The following ALMS1 variants were observed in gnomAD, a reference collection of about 807,000 sequenced individuals.
ALMS1 encodes centrosome-associated protein ALMS1.
A neutral mutation model predicts 352.2 loss-of-function variants in ALMS1; 271 were observed. The observed-to-expected ratio is 0.77, with a 90% CI of 0.70 to 0.85. ALMS1 has a LOEUF of 0.85. Among genes scored for constraint, ALMS1 ranks in the 40% least tolerant of loss-of-function variants. ALMS1 has a pLI of 0.00. For synonymous variants in ALMS1, 1,865 were observed against 1,761.2 expected (o/e 1.06, Z -1.48); for missense variants, 5,445 against 4,870.7 (o/e 1.12, Z -3.51).
chr2:73,608,655 A>G, intron 22 of ALMS1, 81 bp downstream of exon 22: 1 of 1,135,844 alleles, frequency 8.8e-7, no homozygotes, highest in Non-Finnish European at 1.3e-6. Context: ...TTGCCTGTTG[A>G]GTGTGAAGTC....
At chr2:73,393,485 G>A (rs1487489156) in intron 1 of ALMS1, among the ~76,000 whole-genome samples, 1 of 151,922 alleles carries the variant, frequency 6.6e-6, no homozygotes, top group Admixed American at 6.6e-5. Context: ...TAAAGTCAGG[G>A]CTTTTAGTGT....
chr2:73,478,114 C>T (rs1261318637), intron 9 of ALMS1, among the ~76,000 whole-genome samples: 1 of 152,092 alleles, frequency 6.6e-6, no homozygotes, highest in Non-Finnish European at 1.5e-5. Context: ...CATAGGTACT[C>T]TTCATCTGGT....
At chr2:73,580,940 C>T (rs560464790) in intron 16 of ALMS1, among the ~76,000 whole-genome samples, 18 of 152,320 alleles carry the variant, frequency 1.2e-4, no homozygotes, top group African/African-American at 3.8e-4. Flanking sequence ...TTTCTGCATT[C>T]GGACACTCCT....
chr2:73,405,912 G>A (rs1239064444), intron 1 of ALMS1, among the ~76,000 whole-genome samples: 1 of 152,124 alleles, frequency 6.6e-6, no homozygotes, highest in Non-Finnish European at 1.5e-5. Context: ...GTTGTGATCA[G>A]AAAAGATACC....
At chr2:73,442,932 A>C (rs534882132) in intron 7 of ALMS1, among the ~76,000 whole-genome samples, 46 of 152,000 alleles carry the variant, frequency 3.0e-4, no homozygotes, top group African/African-American at 1.1e-3. Flanking sequence ...CTTTAAACCT[A>C]CTCTTCCTTC....
intron 10 of ALMS1, among the ~76,000 whole-genome samples, chr2:73,504,503 G>A (rs1018106819): frequency 6.6e-6 from 1 of 152,114 alleles, no homozygotes; most frequent in African/African-American, 2.4e-5. Flanking sequence ...TATATAGATG[G>A]AATCCAACAT....
chr2:73,495,817 T>A (rs1673094453), intron 10 of ALMS1, among the ~76,000 whole-genome samples: 1 of 152,216 alleles, frequency 6.6e-6, no homozygotes, highest in Non-Finnish European at 1.5e-5. Context: ...TATTTGTAAC[T>A]TCTGTCTCTA....
chr2:73,540,372 C>T (rs937372771), intron 12 of ALMS1, among the ~76,000 whole-genome samples: 7 of 152,036 alleles, frequency 4.6e-5, no homozygotes, highest in Non-Finnish European at 7.4e-5. Flanking sequence ...GAAGGAAGCA[C>T]GAAACATGGA....
At chr2:73,533,651 G>A (rs1224888783) in intron 11 of ALMS1, among the ~76,000 whole-genome samples, 1 of 152,062 alleles carries the variant, frequency 6.6e-6, no homozygotes, top group African/African-American at 2.4e-5. Context: ...AAGGAGGTAG[G>A]GAAGTTGGAC....
intron 17 of ALMS1, among the ~76,000 whole-genome samples, chr2:73,600,343 C>A (rs1342398337): frequency 6.6e-6 from 1 of 152,180 alleles, no homozygotes; most frequent in African/African-American, 2.4e-5. Context: ...CTCTTCCTTA[C>A]CTGCGTGACT....
intron 9 of ALMS1, among the ~76,000 whole-genome samples, chr2:73,472,753 G>A (rs1464127358): frequency 6.6e-6 from 1 of 152,030 alleles, no homozygotes; most frequent in East Asian, 1.9e-4. Flanking sequence ...CTGTTAGCAC[G>A]AGAAGGATTA....
At chr2:73,482,246 C>G (rs1435427616) in intron 9 of ALMS1, among the ~76,000 whole-genome samples, 1 of 152,130 alleles carries the variant, frequency 6.6e-6, no homozygotes, top group Non-Finnish European at 1.5e-5. Flanking sequence ...TTTTGAAATA[C>G]GTCCCATCAA....
At chr2:73,503,385 G>C (rs549395395) in intron 10 of ALMS1, among the ~76,000 whole-genome samples, 1 of 152,154 alleles carries the variant, frequency 6.6e-6, no homozygotes, top group East Asian at 1.9e-4. Context: ...TACTGAGAAT[G>C]ATGATTTCCA....
Position 73,406,308 on chromosome 2 carries a change from G to A in ALMS1, c.325-2314G>A, listed in dbSNP as rs547190631. On this transcript the variant is annotated intron_variant, in intron 1 of 22. Transcript: ENST00000613296. ...CTCTGATATTAGTGTTGCCGCTATTGCTCTCTTTTGGTTACCATTTGCATG... is the reference window on the plus strand; with the variant it reads ...CTCTGATATTAGTGTTGCCGCTATTACTCTCTTTTGGTTACCATTTGCATG... Among the ~76,000 whole-genome samples the A allele has an allele frequency of 5.9e-5, 9 of 152,094 alleles. No individual in the cohort carries two copies. In the South Asian group the frequency reaches 1.9e-3, roughly 32 times the overall value.
chr2:73,561,379 A>G lies in ALMS1; in HGVS notation c.10384+2237A>G, dbSNP rs142660576. ...TGGGAGAGTCTCCAGAGCACATTAC[A>G]TAATATTATCAAGACTTTTCCTGGG... On this transcript the variant is annotated intron_variant, in intron 15 of 22. Transcript: ENST00000613296. Among the ~76,000 whole-genome samples, 313 of 152,364 alleles carry G rather than the reference A, an allele frequency of 2.1e-3. 1 individual carries two copies. The highest frequency in any genetic ancestry group is 7.2e-3 in the African/African-American group (299 of 41,584).
In ALMS1 at chr2:73,491,297, C is replaced by G; in HGVS notation, c.9338C>G (p.Ser3113Cys). Residue 3113 changes from serine to cysteine, a missense_variant, in exon 10 of 23, where the codon TCT becomes TGT. Coordinates refer to ENST00000613296, the MANE Select transcript of ALMS1 (RefSeq NM_001378454.1). ...TSKPVAQDQE[S>C]LGFLGPKSSL... is the part of the protein sequence containing the mutation. ...AAACCTGTAGCACAGGATCAAGAAT[C>G]TTTAGGTTTTCTAGGACCTAAATCT... 1 of 1,614,168 alleles carries G rather than the reference C, an allele frequency of 6.2e-7. No individual in the cohort carries two copies. Among genetic ancestry groups the G allele is most frequent in the Non-Finnish European group, 8.5e-7 (1 of 1,180,008 alleles).
At position 73,607,124 on chromosome 2, in the gene ALMS1, G is replaced by A. The variant is rs190593716; in HGVS notation, c.12363-1351G>A. On this transcript the variant is annotated intron_variant, in intron 21 of 22. Coordinates refer to ENST00000613296, the MANE Select transcript of ALMS1 (RefSeq NM_001378454.1). ...AGGATGGGAATTTTTGGTGGGAGGC[G>A]TGGGAATTTTGCAGAGACCTGCATA... is the stretch of plus-strand genomic sequence containing the variant. Among the ~76,000 whole-genome samples the A allele has an allele frequency of 1.6e-3, 240 of 152,316 alleles. 1 individual carries two copies. Among genetic ancestry groups the A allele is most frequent in the African/African-American group, 4.8e-3 (198 of 41,570 alleles).
intron 15 of ALMS1, among the ~76,000 whole-genome samples, chr2:73,562,503 A>G (rs1674685234): frequency 6.6e-6 from 1 of 152,216 alleles, no homozygotes. Context: ...GGGGACAGGC[A>G]GAGGACAGGG....
At position 73,477,942 on chromosome 2, in the gene ALMS1, C is replaced by G. The variant is rs1234343488; in HGVS notation, c.7675-11692C>G. 2.6e-5 allele frequency among the ~76,000 whole-genome samples: 4 copies of G among 152,092 alleles called. No homozygotes were observed. The East Asian group carries it at 7.7e-4, about 29-fold the overall frequency. On this transcript the variant is annotated intron_variant, in intron 9 of 22. Coordinates refer to ENST00000613296, the MANE Select transcript of ALMS1 (RefSeq NM_001378454.1). Reference sequence around the variant, plus strand: ...ATAGTTGTACTTCTTTCTTTCCAATCTAGATGTCTTTAATTTCTAACCTGG... The same window carrying G: ...ATAGTTGTACTTCTTTCTTTCCAATGTAGATGTCTTTAATTTCTAACCTGG...
Sources: allele counts gnomAD v4.1 joint callset (sites outside exome capture counted in the v4.1 genomes callset), GRCh38; gene constraint gnomAD v4.1.1; transcripts MANE v1.5; gene names NCBI Gene and HGNC (gene_info 2026-07-23, HGNC 2026-07-21).